PRUNE2: variants seen among roughly 807,000 people sequenced by gnomAD.
PRUNE2 encodes prune homolog 2 with BCH domain.
PRUNE2 carries 164 observed loss-of-function variants against 252.0 expected under a neutral mutation model. That is an observed-to-expected ratio of 0.65 (90% CI 0.57 to 0.74). The LOEUF (loss-of-function observed/expected upper bound fraction) is 0.74, where lower values mean the gene tolerates loss of function less well. Ranked by LOEUF, PRUNE2 falls within the 30% of genes least tolerant of loss-of-function variation. The pLI, the probability that PRUNE2 is intolerant of heterozygous loss-of-function variation, is 0.00. For synonymous variants in PRUNE2, 1,292 were observed against 1,350.2 expected (o/e 0.96, Z 0.94); for missense variants, 3,495 against 3,711.0 (o/e 0.94, Z 1.51).
intron 4 of PRUNE2, among the ~76,000 whole-genome samples, chr9:76,836,558 A>G (rs2058988708): frequency 6.6e-6 from 1 of 152,132 alleles, no homozygotes; most frequent in South Asian, 2.1e-4. Context: ...TTCCCTTCTT[A>G]CACAAATAAT....
At chr9:76,650,451 C>T (rs1173529779) in intron 11 of PRUNE2, among the ~76,000 whole-genome samples, 2 of 152,178 alleles carry the variant, frequency 1.3e-5, no homozygotes, top group Admixed American at 6.6e-5. Flanking sequence ...TCAAAATGGT[C>T]GCGTGAGAAA....
At chr9:76,689,671 G>C (rs899052643) in intron 9 of PRUNE2, among the ~76,000 whole-genome samples, 1 of 151,964 alleles carries the variant, frequency 6.6e-6, no homozygotes, top group Non-Finnish European at 1.5e-5. Flanking sequence ...TTTTCTCAAA[G>C]GCCCTGGGAT....
At chr9:76,791,784 T>C (rs1419352445) in intron 6 of PRUNE2, among the ~76,000 whole-genome samples, 1 of 152,138 alleles carries the variant, frequency 6.6e-6, no homozygotes, top group Non-Finnish European at 1.5e-5. Flanking sequence ...GAAGAATAGA[T>C]AAAGAGCCAG....
chr9:76,883,885 A>T (rs146941076), intron 1 of PRUNE2, among the ~76,000 whole-genome samples: 75 of 152,258 alleles, frequency 4.9e-4, no homozygotes, highest in African/African-American at 1.8e-3. Context: ...TGGCCAATGG[A>T]TGGGAGAGTG....
intron 6 of PRUNE2, among the ~76,000 whole-genome samples, chr9:76,754,992 A>C (rs1398407383): frequency 6.1e-5 from 9 of 148,698 alleles, no homozygotes; most frequent in African/African-American, 1.2e-4. Context: ...AAAAAAACCC[A>C]AAAAAACAAA....
At chr9:76,741,154 G>C (rs1444482108) in intron 6 of PRUNE2, among the ~76,000 whole-genome samples, 1 of 152,202 alleles carries the variant, frequency 6.6e-6, no homozygotes, top group Non-Finnish European at 1.5e-5. Context: ...TGTGGTGTAA[G>C]TAGTACTCAT....
intron 1 of PRUNE2, among the ~76,000 whole-genome samples, chr9:76,893,694 A>G (rs1416131824): frequency 6.6e-6 from 1 of 152,230 alleles, no homozygotes; most frequent in Non-Finnish European, 1.5e-5. Context: ...TGAGAAATGC[A>G]TTTGTTCCCC....
chr9:76,662,262 C>T (rs561023283), intron 9 of PRUNE2, among the ~76,000 whole-genome samples: 2 of 152,250 alleles, frequency 1.3e-5, no homozygotes, highest in South Asian at 4.1e-4. Context: ...ATCCTGAATA[C>T]CACCAAATGG....
intron 1 of PRUNE2, among the ~76,000 whole-genome samples, chr9:76,868,544 C>G (rs1589677740): frequency 6.6e-6 from 1 of 152,184 alleles, no homozygotes; most frequent in African/African-American, 2.4e-5. Context: ...TAGAACCCTC[C>G]CCTCTCCCCT....
rs1456710152 is a variant in PRUNE2, at chr9:76,706,185, T to G, written c.6089A>C (p.Lys2030Thr). Reference protein sequence around the residue: ...AVSSPTQLIMKPGSEWDGSTP... With the variant: ...AVSSPTQLIMTPGSEWDGSTP... ...AGAGCCATCCCATTCAGAGCCTGGCTTCATTATCAGTTGGGTGGGAGAACT... is the reference window on the plus strand; with the variant it reads ...AGAGCCATCCCATTCAGAGCCTGGCGTCATTATCAGTTGGGTGGGAGAACT... Residue 2030 changes from lysine to threonine, a missense_variant, in exon 8 of 19, where the codon AAG becomes ACG. Physicochemically the swap from Lys to Thr is moderately conservative, Grantham distance 78. Coordinates refer to ENST00000376718, the MANE Select transcript of PRUNE2 (RefSeq NM_015225.3). The G allele has an allele frequency of 1.2e-6, 2 of 1,614,012 alleles. No homozygotes were observed. Among genetic ancestry groups the G allele is most frequent in the Admixed American group, 3.3e-5 (2 of 60,026 alleles).
At chr9:76,901,996 G>T (rs2133748003) in intron 1 of PRUNE2, among the ~76,000 whole-genome samples, 1 of 152,278 alleles carries the variant, frequency 6.6e-6, no homozygotes, top group African/African-American at 2.4e-5. Context: ...GAGGGCTGCG[G>T]TGATCTCCAC....
chr9:76,715,732 T>G (rs1014698877), intron 6 of PRUNE2, among the ~76,000 whole-genome samples: 6 of 152,216 alleles, frequency 3.9e-5, no homozygotes, highest in African/African-American at 1.4e-4. Context: ...AGAAAGACAT[T>G]AAATATTTAA....
intron 6 of PRUNE2, among the ~76,000 whole-genome samples, chr9:76,731,828 T>G (rs1020854268): frequency 6.6e-6 from 1 of 152,146 alleles, no homozygotes; most frequent in Non-Finnish European, 1.5e-5. Flanking sequence ...GTGAACAAAC[T>G]CATGTATTAT....
At chr9:76,851,264 C>T (rs975058697) in intron 2 of PRUNE2, among the ~76,000 whole-genome samples, 4 of 152,036 alleles carry the variant, frequency 2.6e-5, no homozygotes, top group South Asian at 2.1e-4. Flanking sequence ...TTTAAATTAA[C>T]GGGCTGGGTG....
chr9:76,660,402 T>C (rs1472170385), intron 9 of PRUNE2, among the ~76,000 whole-genome samples: 1 of 152,136 alleles, frequency 6.6e-6, no homozygotes, highest in Non-Finnish European at 1.5e-5. Context: ...TCAATTTATA[T>C]TACCTGAATG....
rs563244992 is a variant in PRUNE2 at position 76,662,940 on chromosome 9, G to C, written c.8277-7438C>G. Among the ~76,000 whole-genome samples, 5 of 151,844 alleles carry C rather than the reference G, an allele frequency of 3.3e-5. No homozygotes were observed. The South Asian group carries it at 1.0e-3, about 31-fold the overall frequency. ...TAGAAACAGAGATAAAAAGAAAAAA[G>C]AAAACACAAACAAAACCTTTCATGA... is the stretch of plus-strand genomic sequence containing the variant. On this transcript the variant is annotated intron_variant, in intron 9 of 18. Transcript: ENST00000376718.
At position 76,788,303 on chromosome 9, in the gene PRUNE2, A is replaced by T. The variant is rs1015287498; in HGVS notation, c.756+35329T>A. 1.6e-5 allele frequency: 10 copies of T among 622,592 alleles called. 1 individual carries two copies. The highest frequency in any genetic ancestry group is 2.7e-5 in the Admixed American group (1 of 36,832). 38.6% of individuals were successfully genotyped at this position (622,592 alleles called of 1,614,324 possible). On this transcript the variant is annotated intron_variant, in intron 6 of 18. Transcript: ENST00000376718. Reference sequence around the variant, plus strand: ...CAGATATATTCTAGTCGAAAGAAACATCTCTTACCGTGGCTAGAGTTACCA... The same window carrying T: ...CAGATATATTCTAGTCGAAAGAAACTTCTCTTACCGTGGCTAGAGTTACCA...
rs367920346 is a variant in PRUNE2 at position 76,703,742 on chromosome 9, A to G, written c.7871T>C (p.Phe2624Ser). 2 of 1,613,574 alleles carry G rather than the reference A, an allele frequency of 1.2e-6. No individual in the cohort carries two copies. The highest frequency in any genetic ancestry group is 2.7e-5 in the African/African-American group (2 of 74,850). The change falls in exon 9 of 19, where the codon TTT becomes TCT. Residue 2624 changes from phenylalanine (F) to serine (S), a missense_variant. Coordinates refer to ENST00000376718, the MANE Select transcript of PRUNE2 (RefSeq NM_015225.3). ...ACTCTGGTCTTGTGCAGGGCTTTCA[A>G]AAGATGATCTCGTATCGCTTTTAGA... ...MSSKSDTRSS[F>S]ESPAQDQSWM...
intron 9 of PRUNE2, among the ~76,000 whole-genome samples, chr9:76,681,564 C>T (rs1369033853): frequency 2.0e-5 from 3 of 152,028 alleles, no homozygotes; most frequent in Non-Finnish European, 2.9e-5. Context: ...GACAGGGACA[C>T]TTAAGAGCTG....
Sources: allele counts gnomAD v4.1 joint callset (sites outside exome capture counted in the v4.1 genomes callset), GRCh38; gene constraint gnomAD v4.1.1; transcripts MANE v1.5; gene names NCBI Gene and HGNC (gene_info 2026-07-23, HGNC 2026-07-21).